MRM1: variants seen among roughly 807,000 people sequenced by gnomAD.
MRM1 encodes mitochondrial rRNA methyltransferase 1.
A neutral mutation model predicts 25.0 loss-of-function variants in MRM1; 24 were observed. That is an observed-to-expected ratio of 0.96 (90% CI 0.69 to 1.35). MRM1 has a LOEUF of 1.35. MRM1 is among the 40% of genes most tolerant of loss of function. The pLI is 0.00. For synonymous variants in MRM1, 188 were observed against 199.2 expected (o/e 0.94, Z 0.47); for missense variants, 431 against 464.1 (o/e 0.93, Z 0.65).
the MRM1 span, among the ~76,000 whole-genome samples, chr17:36,630,922 G>A: frequency 3.3e-5 from 5 of 152,258 alleles, no homozygotes; most frequent in East Asian, 5.8e-4. Context: ...TAAGCTTCCC[G>A]TCCTGGGCGA....
At chr17:36,615,268 C>T in the MRM1 span, among the ~76,000 whole-genome samples, 1 of 152,316 alleles carries the variant, frequency 6.6e-6, no homozygotes, top group South Asian at 2.1e-4. Flanking sequence ...GGCCCTTCTC[C>T]CCCTTCGGGC....
At chr17:36,625,196 A>G in the MRM1 span, among the ~76,000 whole-genome samples, 2 of 152,078 alleles carry the variant, frequency 1.3e-5, no homozygotes, top group Non-Finnish European at 2.9e-5. Context: ...TGTAAATCCT[A>G]TCATGGCCTA....
chr17:36,606,433 A>G (rs1296692040), intron 2 of MRM1, among the ~76,000 whole-genome samples: 6 of 92,906 alleles, frequency 6.5e-5, no homozygotes, highest in South Asian at 3.3e-4. Context: ...TTTTTTTTTG[A>G]GATGGGGGTC....
rs2074952086 is a variant in MRM1, at chr17:36,608,538, C to T, written c.*123C>T. On this transcript the variant is annotated 3_prime_UTR_variant, in exon 5 of 5. Coordinates refer to ENST00000614766, the MANE Select transcript of MRM1 (RefSeq NM_024864.5). ...CAGGCCCATGTTTATTGACCACAGT[C>T]TGGGGGGGGGGGAAGGGGACTGCGG... 1.6e-5 allele frequency: 6 copies of T among 374,018 alleles called. No individual in the cohort carries two copies. Among genetic ancestry groups the T allele is most frequent in the Non-Finnish European group, 2.3e-5 (5 of 221,584 alleles). 23.2% of individuals were successfully genotyped at this position (374,018 alleles called of 1,614,324 possible). A position where few individuals can be genotyped will look rare whatever the true frequency, so the allele number is the denominator to read the frequency against.
the MRM1 span, among the ~76,000 whole-genome samples, chr17:36,618,458 G>T: frequency 6.6e-6 from 1 of 152,152 alleles, no homozygotes; most frequent in Non-Finnish European, 1.5e-5. Flanking sequence ...TGTAAACAAA[G>T]ACCTGGAGAA....
In MRM1 at chr17:36,601,621, C is replaced by T. The variant is rs2074866668; in HGVS notation, c.-190C>T. On this transcript the variant is annotated 5_prime_UTR_variant, in exon 1 of 5. Transcript: ENST00000614766. ...AGGGACCCACGTGGGAGCCTGGGAGCGGGTGGTCGTAGCTCGGTAGTCCAG... is the reference window on the plus strand; with the variant it reads ...AGGGACCCACGTGGGAGCCTGGGAGTGGGTGGTCGTAGCTCGGTAGTCCAG... 2 of 527,258 alleles carry T rather than the reference C, an allele frequency of 3.8e-6. No homozygotes were observed. Among genetic ancestry groups the T allele is most frequent in the East Asian group, 3.2e-5 (1 of 31,062 alleles). The allele number at this position is 527,258 out of a possible 1,614,324, so 32.7% of individuals were successfully genotyped here.
At position 36,607,734 on chromosome 17, in the gene MRM1, A is replaced by G. The variant is rs769476649; in HGVS notation, c.701A>G (p.Gln234Arg). 9.3e-6 allele frequency: 15 copies of G among 1,614,084 alleles called. No individual in the cohort carries two copies. The East Asian group carries it at 3.3e-4, about 36-fold the overall frequency. Residue 234 changes from glutamine to arginine, a missense_variant, in exon 3 of 5, where the codon CAG becomes CGG. Gln to Arg is a conservative substitution (Grantham distance 43). Coordinates refer to ENST00000614766, the MANE Select transcript of MRM1 (RefSeq NM_024864.5). ...TVGCPSTEDP[Q>R]SSEIPIMSCL... is the part of the protein sequence containing the mutation. ...GGCTGCCCAAGCACAGAGGATCCCC[A>G]GTCCTCCGAGATCCCCATCATGAGT...
At chr17:36,616,781 A>C in the MRM1 span, among the ~76,000 whole-genome samples, 2,763 of 152,044 alleles carry the variant, frequency 0.018, 74 homozygotes, top group African/African-American at 0.058. Flanking sequence ...CCCAGGCTGG[A>C]GTGCAGTGAT....
chr17:36,620,017 GCT>G, the MRM1 span, among the ~76,000 whole-genome samples: 1 of 152,036 alleles, frequency 6.6e-6, no homozygotes, highest in Non-Finnish European at 1.5e-5. Context: ...GTCCATTCGT[GCT>G]CTTTGTTCAT....
At chr17:36,610,246 T>TTA (rs1483055234), downstream of MRM1, among the ~76,000 whole-genome samples, 1 of 150,972 alleles carries the variant, frequency 6.6e-6, no homozygotes, top group African/African-American at 2.4e-5. Flanking sequence ...TCTTTTTTTT[T>TTA]TTTTGAGACG....
chr17:36,630,718 G>T, the MRM1 span, among the ~76,000 whole-genome samples: 1 of 152,312 alleles, frequency 6.6e-6, no homozygotes, highest in East Asian at 1.9e-4. Context: ...TCCTGGGGGA[G>T]AGGTCTCGAA....
downstream of MRM1, among the ~76,000 whole-genome samples, chr17:36,610,237 CTT>C (rs34382830): frequency 2.2e-5 from 3 of 139,142 alleles, no homozygotes; most frequent in Admixed American, 7.3e-5. Flanking sequence ...GGCCTAAGAT[CTT>C]TTTTTTTTTT....
Position 36,602,690 on chromosome 17 carries a change from C to T in MRM1, c.636+44C>T, listed in dbSNP as rs2074890799. Reference sequence around the variant, plus strand: ...GGAAGGAACAGATGTGAGCCCAGCTCAGCCTCTTCAAGGGGACGAAGCTAG... The same window carrying T: ...GGAAGGAACAGATGTGAGCCCAGCTTAGCCTCTTCAAGGGGACGAAGCTAG... On this transcript the variant is annotated intron_variant, in intron 2 of 4. Coordinates refer to ENST00000614766, the MANE Select transcript of MRM1 (RefSeq NM_024864.5). This position sits in a 1 kb window ranked among gnomAD's most constrained non-coding sequence, Gnocchi z 4.1. 3.1e-6 allele frequency: 5 copies of T among 1,605,826 alleles called. No individual in the cohort carries two copies. The African/African-American group carries it at 5.3e-5, about 17-fold the overall frequency.
chr17:36,608,188 C>T (rs868681430), intron 4 of MRM1, 55 bp from the exon 5 acceptor site: 1 of 1,531,152 alleles, frequency 6.5e-7, no homozygotes. Flanking sequence ...GTCTAGGTCT[C>T]TAAACATCAT....
chr17:36,617,395 T>C, the MRM1 span, among the ~76,000 whole-genome samples: 1 of 74,984 alleles, frequency 1.3e-5, no homozygotes, highest in Admixed American at 1.1e-4. Flanking sequence ...CTTTCCGTCT[T>C]TTTTTTTTTT....
At chr17:36,629,115 G>A in the MRM1 span, among the ~76,000 whole-genome samples, 2 of 152,168 alleles carry the variant, frequency 1.3e-5, no homozygotes, top group African/African-American at 2.4e-5. Context: ...AATTATGGCC[G>A]ATTTAGAAAG....
rs2074897943 is a variant in MRM1, at chr17:36,603,250, A to G, written c.636+604A>G. On this transcript the variant is annotated intron_variant, in intron 2 of 4. Transcript: ENST00000614766. ...AGAGCTCTGGGACCTGTCTAGAACA[A>G]CGCTGTCCAATAAAAATATGGTGTG... The G allele has an allele frequency of 1.3e-5, 13 of 983,368 alleles. No homozygotes were observed. The South Asian group carries it at 6.1e-4, about 46-fold the overall frequency. The allele number at this position is 983,368 out of a possible 1,614,324, so 60.9% of individuals were successfully genotyped here.
the MRM1 span, among the ~76,000 whole-genome samples, chr17:36,618,985 T>C: frequency 5.0e-4 from 76 of 152,324 alleles, no homozygotes; most frequent in Admixed American, 2.0e-3. Flanking sequence ...CACATTGCTG[T>C]GCAACAGCTC....
At chr17:36,621,931 G>A in the MRM1 span, among the ~76,000 whole-genome samples, 1 of 152,084 alleles carries the variant, frequency 6.6e-6, no homozygotes, top group Non-Finnish European at 1.5e-5. Flanking sequence ...TGTTTTGTGT[G>A]TATCTCTGTG....
Sources: gnomAD v4.1 joint callset for allele counts (sites outside exome capture counted in the v4.1 genomes callset) on GRCh38, gnomAD v4.1.1 for gene constraint, Gnocchi (gnomAD v3.1) non-coding constraint, MANE v1.5 for transcripts, NCBI Gene and HGNC (gene_info 2026-07-23, HGNC 2026-07-21) for gene names.